PAPOLG: variants seen among roughly 807,000 people sequenced by gnomAD.
The protein encoded by PAPOLG is poly(A) polymerase gamma, also known as PAP-gamma.
Under a neutral mutation model 99.0 loss-of-function variants are expected in PAPOLG, and 40 were observed. The observed-to-expected ratio is 0.40, with a 90% CI of 0.31 to 0.53. PAPOLG has a LOEUF of 0.53. Among genes scored for constraint, PAPOLG ranks in the 20% least tolerant of loss-of-function variants. The probability of loss-of-function intolerance (pLI) is 0.41; values close to 1 mark genes in which losing one functional copy is unlikely to be tolerated. For synonymous variants in PAPOLG, 310 were observed against 299.3 expected (o/e 1.04, Z -0.37); for missense variants, 675 against 884.1 (o/e 0.76, Z 3.00).
rs1440281427 is a variant in PAPOLG at position 60,773,444 on chromosome 2, TGAG to T, written c.605-1588_605-1586del. 1.3e-4 allele frequency among the ~76,000 whole-genome samples: 20 copies of T among 152,316 alleles called. No individual in the cohort carries two copies. The East Asian group carries it at 3.5e-3, about 26-fold the overall frequency. ...AGGGTTCTTTAATTTGGCATGTTTGTGAGGTTTATCTGTATTTGTTCCGTTTTG... is the reference window on the plus strand; with the variant it reads ...AGGGTTCTTTAATTTGGCATGTTTGTGTTTATCTGTATTTGTTCCGTTTTG... On this transcript the variant is annotated intron_variant, in intron 7 of 21. Coordinates refer to ENST00000238714, the MANE Select transcript of PAPOLG (RefSeq NM_022894.4).
chr2:60,787,180 CATT>C (rs1290190287), intron 14 of PAPOLG, 114 bp downstream of exon 14: 22 of 957,218 alleles, frequency 2.3e-5, no homozygotes, highest in Non-Finnish European at 3.3e-5. Flanking sequence ...GAGTATGACA[CATT>C]ATATATTTGA....
At position 60,801,547 on chromosome 2, in the gene PAPOLG, G is replaced by C. The variant is rs561374645; in HGVS notation, c.*4387G>C. 1 of 152,008 alleles carries C rather than the reference G, an allele frequency of 6.6e-6. No homozygotes were observed. The highest frequency in any genetic ancestry group is 2.4e-5 in the African/African-American group (1 of 41,366). 9.4% of individuals were successfully genotyped at this position (152,008 alleles called of 1,614,324 possible). Reference sequence around the variant, plus strand: ...CAACCTCCACCTCCCAGGTGCAAGCGATTCTCCTACCTCAGCCTCCCAAGT... The same window carrying C: ...CAACCTCCACCTCCCAGGTGCAAGCCATTCTCCTACCTCAGCCTCCCAAGT... On this transcript the variant is annotated 3_prime_UTR_variant, in exon 22 of 22. Coordinates refer to ENST00000238714, the MANE Select transcript of PAPOLG (RefSeq NM_022894.4).
chr2:60,794,909 A>G (rs1671649705), intron 20 of PAPOLG, 55 bp from the exon 21 acceptor site: 1 of 1,597,696 alleles, frequency 6.3e-7, no homozygotes, highest in African/African-American at 1.4e-5. Flanking sequence ...AGTAGAAATA[A>G]GTGTTTGCAT....
chr2:60,765,390 C>CA (rs1670646445), intron 3 of PAPOLG, among the ~76,000 whole-genome samples: 1 of 132,496 alleles, frequency 7.5e-6, no homozygotes, highest in Non-Finnish European at 1.6e-5. Flanking sequence ...CTATAATTCT[C>CA]TTTTTTTTTT....
At chr2:60,774,126 G>A (rs887028695) in intron 7 of PAPOLG, among the ~76,000 whole-genome samples, 2 of 151,238 alleles carry the variant, frequency 1.3e-5, no homozygotes, top group South Asian at 2.1e-4. Flanking sequence ...CGGGAGTCTC[G>A]CTCTGTCGCC....
At chr2:60,779,796 T>C (rs769600189) in intron 9 of PAPOLG, 21 bp downstream of exon 9, 2 of 1,590,844 alleles carry the variant, frequency 1.3e-6, no homozygotes, top group South Asian at 2.2e-5. Context: ...ACGTGTGTAC[T>C]TTGACTGTTT....
intron 7 of PAPOLG, among the ~76,000 whole-genome samples, chr2:60,774,402 A>G (rs1422015528): frequency 1.8e-4 from 23 of 124,888 alleles, no homozygotes; most frequent in South Asian, 5.2e-4. Flanking sequence ...GTCTCACTCT[A>G]TTGCCCAGGC....
chr2:60,767,183 A>G (rs1670704176), intron 3 of PAPOLG, among the ~76,000 whole-genome samples: 1 of 152,186 alleles, frequency 6.6e-6, no homozygotes, highest in Non-Finnish European at 1.5e-5. Flanking sequence ...AGGAACAAAA[A>G]TAGAGAACTC....
intron 7 of PAPOLG, 48 bp from the exon 8 acceptor site, chr2:60,774,986 A>C (rs1248394468): frequency 6.8e-6 from 11 of 1,608,422 alleles, no homozygotes; most frequent in Non-Finnish European, 9.3e-6. Context: ...ATTTGAATTA[A>C]CTGAGAATTT....
At chr2:60,795,272 T>C (rs1671662242) in intron 21 of PAPOLG, 3 of 606,290 alleles carry the variant, frequency 4.9e-6, no homozygotes, top group South Asian at 4.7e-5. Context: ...GTTCACCCTT[T>C]GTTTTTTATC....
chr2:60,793,742 ATAAT>A, intron 18 of PAPOLG, 27 bp downstream of exon 18: 1 of 1,582,252 alleles, frequency 6.3e-7, no homozygotes, highest in Non-Finnish European at 8.6e-7. Flanking sequence ...GTATATATTA[ATAAT>A]TATATTTACA....
At chr2:60,761,692 GT>G in intron 2 of PAPOLG, 48 bp from the exon 3 acceptor site, 2 of 1,513,080 alleles carry the variant, frequency 1.3e-6, no homozygotes, top group South Asian at 2.3e-5. Context: ...TAAAAATACT[GT>G]TTGTTCATTT....
chr2:60,773,251 C>G (rs1421149192), intron 7 of PAPOLG, among the ~76,000 whole-genome samples: 2 of 152,136 alleles, frequency 1.3e-5, no homozygotes, highest in Non-Finnish European at 2.9e-5. Flanking sequence ...ACACTACAAT[C>G]CAATGTTAGA....
intron 17 of PAPOLG, among the ~76,000 whole-genome samples, chr2:60,793,387 G>A (rs987609196): frequency 4.0e-5 from 6 of 151,510 alleles, no homozygotes; most frequent in African/African-American, 1.5e-4. Flanking sequence ...GTGAGATCCT[G>A]TCTCCACAAA....
At position 60,798,397 on chromosome 2, in the gene PAPOLG, G is replaced by A. The variant is rs963094488; in HGVS notation, c.*1237G>A. On this transcript the variant is annotated 3_prime_UTR_variant, in exon 22 of 22. Coordinates refer to ENST00000238714, the MANE Select transcript of PAPOLG (RefSeq NM_022894.4). Reference sequence around the variant, plus strand: ...GATTCAGTGTTTTGTAAATGAAGTCGTATGTATTTTCAGAGTATTTTTGTA... The same window carrying A: ...GATTCAGTGTTTTGTAAATGAAGTCATATGTATTTTCAGAGTATTTTTGTA... 1.3e-5 allele frequency: 2 copies of A among 152,618 alleles called. No homozygotes were observed. Among genetic ancestry groups the A allele is most frequent in the Non-Finnish European group, 2.9e-5 (2 of 68,006 alleles). 9.5% of individuals were successfully genotyped at this position (152,618 alleles called of 1,614,324 possible).
intron 8 of PAPOLG, among the ~76,000 whole-genome samples, chr2:60,777,022 G>C (rs913219248): frequency 1.3e-5 from 2 of 152,170 alleles, no homozygotes; most frequent in Admixed American, 1.3e-4. Context: ...ATCTTCACTA[G>C]CTTCAGACTT....
intron 21 of PAPOLG, among the ~76,000 whole-genome samples, chr2:60,796,041 T>A (rs1671685697): frequency 1.3e-5 from 2 of 152,220 alleles, no homozygotes; most frequent in South Asian, 4.2e-4. Context: ...TAAGTCCTTA[T>A]TGCCCTGGTG....
chr2:60,756,546 G>C (rs1202807496), intron 1 of PAPOLG, 51 bp downstream of exon 1: 2 of 1,555,004 alleles, frequency 1.3e-6, no homozygotes, highest in Non-Finnish European at 8.7e-7. Flanking sequence ...GGTGAGCTGA[G>C]GTGGTCCGAC....
intron 17 of PAPOLG, among the ~76,000 whole-genome samples, chr2:60,793,002 C>G (rs1470578819): frequency 6.6e-6 from 1 of 151,842 alleles, no homozygotes; most frequent in Non-Finnish European, 1.5e-5. Flanking sequence ...TGCCATTGCA[C>G]TCCAGCCTAG....
Sources: gnomAD v4.1 joint callset for allele counts (sites outside exome capture counted in the v4.1 genomes callset) on GRCh38, gnomAD v4.1.1 for gene constraint, MANE v1.5 for transcripts, NCBI Gene and HGNC (gene_info 2026-07-23, HGNC 2026-07-21) for gene names.